SHOC2: variants seen among roughly 807,000 people sequenced by gnomAD.
SHOC2 encodes the protein SHOC2 leucine rich repeat scaffold protein, also known as leucine-rich repeat protein SHOC-2.
SHOC2 carries 4 observed loss-of-function variants against 50.2 expected under a neutral mutation model. That is an observed-to-expected ratio of 0.08 (90% CI 0.04 to 0.18). SHOC2 has a LOEUF of 0.18. Among genes scored for constraint, SHOC2 ranks in the 10% least tolerant of loss-of-function variants. The probability of loss-of-function intolerance (pLI) is 1.00; values close to 1 mark genes in which losing one functional copy is unlikely to be tolerated. For synonymous variants in SHOC2, 218 were observed against 244.5 expected, an observed-to-expected ratio of 0.89 and a Z score of 1.01; for missense variants, 388 against 669.6, an observed-to-expected ratio of 0.58 and a Z score of 4.64.
At chr10:110,925,304 G>A (rs1258105854) in intron 1 of SHOC2, among the ~76,000 whole-genome samples, 1 of 152,038 alleles carries the variant, frequency 6.6e-6, no homozygotes, top group South Asian at 2.1e-4. Context: ...ATGGTCAACA[G>A]TTATACCCTA....
chr10:110,990,995 T>A (rs1439495304), intron 3 of SHOC2, among the ~76,000 whole-genome samples: 1 of 152,208 alleles, frequency 6.6e-6, no homozygotes, highest in Non-Finnish European at 1.5e-5. Flanking sequence ...TCTCTCTGTT[T>A]AGAACTCTTT....
chr10:110,937,090 G>A (rs1271462599), intron 1 of SHOC2: 1 of 1,474,074 alleles, frequency 6.8e-7, no homozygotes, highest in Non-Finnish European at 9.5e-7. Flanking sequence ...ACTTGTTTCT[G>A]TAGAAATTGC....
intron 2 of SHOC2, among the ~76,000 whole-genome samples, chr10:110,981,876 T>TATTTATTTATTTTTTTATTATACTC (rs1554859803): frequency 1.3e-4 from 17 of 135,468 alleles, no homozygotes; most frequent in Non-Finnish European, 2.4e-4. Context: ...ATTTATTTTT[T>TATTTATTTATTTTTTTATTATACTC]TAAGTTTTAG....
intron 1 of SHOC2, among the ~76,000 whole-genome samples, chr10:110,949,176 G>A (rs1218716531): frequency 6.6e-6 from 1 of 152,122 alleles, no homozygotes; most frequent in Non-Finnish European, 1.5e-5. Context: ...AGTTGGTTTT[G>A]TGAAAAGAAA....
intron 1 of SHOC2, chr10:110,936,636 C>T (rs752053780): frequency 1.8e-4 from 139 of 753,674 alleles, no homozygotes; most frequent in Non-Finnish European, 2.7e-4. Context: ...ACCAGGAGTC[C>T]GTGGGTCTTG....
At chr10:111,008,281 A>G (rs1232822219) in intron 6 of SHOC2, among the ~76,000 whole-genome samples, 1 of 150,770 alleles carries the variant, frequency 6.6e-6, no homozygotes, top group African/African-American at 2.4e-5. Flanking sequence ...CATCCCTTTG[A>G]TGAAAATGCT....
intron 1 of SHOC2, chr10:110,936,724 C>T (rs1346561299): frequency 1.1e-6 from 1 of 930,446 alleles, no homozygotes; most frequent in Non-Finnish European, 1.7e-6. Flanking sequence ...GCTCTTTCTT[C>T]TTCCGGTAGT....
intron 1 of SHOC2, among the ~76,000 whole-genome samples, chr10:110,920,506 G>T (rs1194907528): frequency 6.6e-6 from 1 of 152,004 alleles, no homozygotes; most frequent in South Asian, 2.1e-4. Context: ...GCATTAACTT[G>T]CCTTTCTCTT....
chr10:110,928,052 C>T (rs1475711948), intron 1 of SHOC2, among the ~76,000 whole-genome samples: 1 of 152,248 alleles, frequency 6.6e-6, no homozygotes, highest in East Asian at 1.9e-4. Flanking sequence ...TGTGGTGGCT[C>T]ACACCTGTAG....
intron 1 of SHOC2, among the ~76,000 whole-genome samples, chr10:110,961,083 A>G (rs915843919): frequency 6.6e-6 from 1 of 152,170 alleles, no homozygotes; most frequent in Non-Finnish European, 1.5e-5. Context: ...GGTGAATAAA[A>G]GAGTCCTCTG....
intron 1 of SHOC2, among the ~76,000 whole-genome samples, chr10:110,954,429 G>C (rs1032783376): frequency 6.6e-6 from 1 of 152,122 alleles, no homozygotes; most frequent in South Asian, 2.1e-4. Flanking sequence ...TAAAGGGGTA[G>C]TATCAGCTAG....
At chr10:110,935,807 T>C (rs1846996062) in intron 1 of SHOC2, among the ~76,000 whole-genome samples, 1 of 152,208 alleles carries the variant, frequency 6.6e-6, no homozygotes, top group African/African-American at 2.4e-5. Flanking sequence ...CATTCCTCAG[T>C]CTATTTACTC....
chr10:110,929,683 TCTC>T (rs1259925259), intron 1 of SHOC2, among the ~76,000 whole-genome samples: 1 of 152,174 alleles, frequency 6.6e-6, no homozygotes, highest in Non-Finnish European at 1.5e-5. Context: ...AGTTCTCTGG[TCTC>T]CTCTTACAAG....
intron 1 of SHOC2, among the ~76,000 whole-genome samples, chr10:110,959,435 AGACCTG>A (rs1043234857): frequency 6.6e-5 from 10 of 152,254 alleles, no homozygotes; most frequent in Admixed American, 3.9e-4. Context: ...TCTCATCTCC[AGACCTG>A]GCCCATTAAA....
upstream of SHOC2, chr10:110,919,541 G>A (rs1846557584): frequency 2.6e-6 from 1 of 385,150 alleles, no homozygotes; most frequent in South Asian, 1.4e-4. Context: ...GCGGGGCGGG[G>A]CGAGTGGGGG....
intron 1 of SHOC2, among the ~76,000 whole-genome samples, chr10:110,946,539 A>G (rs1847249685): frequency 6.6e-6 from 1 of 152,024 alleles, no homozygotes; most frequent in Admixed American, 6.6e-5. Context: ...GGGTAAAAAG[A>G]ATAGGAAGAC....
At chr10:110,920,201 C>T (rs938811440) in intron 1 of SHOC2, 1 of 152,736 alleles carries the variant, frequency 6.5e-6, no homozygotes, top group Non-Finnish European at 1.5e-5. Flanking sequence ...CCGTTCTCCT[C>T]TCCCTAAAAA....
At chr10:110,975,791 T>C (rs1847867324) in intron 2 of SHOC2, among the ~76,000 whole-genome samples, 1 of 152,224 alleles carries the variant, frequency 6.6e-6, no homozygotes, top group Non-Finnish European at 1.5e-5. Context: ...TTCTCCACTT[T>C]AAAGTTAATA....
intron 2 of SHOC2, among the ~76,000 whole-genome samples, chr10:110,965,958 CT>C (rs1847666806): frequency 6.6e-6 from 1 of 151,900 alleles, no homozygotes; most frequent in Non-Finnish European, 1.5e-5. Context: ...GATTATGAAG[CT>C]TTTTAAAGGA....
Sources: gnomAD v4.1 joint callset for allele counts (sites outside exome capture counted in the v4.1 genomes callset) on GRCh38, gnomAD v4.1.1 for gene constraint, MANE v1.5 for transcripts, NCBI Gene and HGNC (gene_info 2026-07-23, HGNC 2026-07-21) for gene names.